The following CAMK4 variants were observed in gnomAD, a reference collection of about 807,000 sequenced individuals.
CAMK4 encodes the protein calcium/calmodulin dependent protein kinase IV, also known as calcium/calmodulin-dependent protein kinase type IV.
In CAMK4, 22 loss-of-function variants were observed where a neutral mutation model predicts 44.9. The observed-to-expected ratio is 0.49, with a 90% CI of 0.35 to 0.70. CAMK4 has a LOEUF of 0.70. Among genes scored for constraint, CAMK4 ranks in the 30% least tolerant of loss-of-function variants. The pLI, the probability that CAMK4 is intolerant of heterozygous loss-of-function variation, is 0.01. For synonymous variants in CAMK4, 218 were observed against 215.4 expected, an observed-to-expected ratio of 1.01 and a Z score of -0.11; for missense variants, 498 against 586.8, an observed-to-expected ratio of 0.85 and a Z score of 1.56.
At chr5:111,259,310 G>A (rs1177972086) in intron 1 of CAMK4, among the ~76,000 whole-genome samples, 2 of 152,140 alleles carry the variant, frequency 1.3e-5, no homozygotes, top group Non-Finnish European at 2.9e-5. Flanking sequence ...AATGGAAAAT[G>A]AATTTTCAAT....
chr5:111,472,276 A>C (rs140822648), intron 7 of CAMK4, among the ~76,000 whole-genome samples: 225 of 152,116 alleles, frequency 1.5e-3, no homozygotes, highest in African/African-American at 5.3e-3. Flanking sequence ...TTGCATTCCA[A>C]CCCCTATCCC....
chr5:111,396,510 T>G (rs982068056), intron 5 of CAMK4, among the ~76,000 whole-genome samples: 3 of 152,042 alleles, frequency 2.0e-5, no homozygotes, highest in African/African-American at 7.2e-5. Flanking sequence ...CCTTTCCAAC[T>G]TCAGTTGAAT....
At chr5:111,421,433 C>A (rs999178289) in intron 5 of CAMK4, among the ~76,000 whole-genome samples, 4 of 152,180 alleles carry the variant, frequency 2.6e-5, no homozygotes, top group African/African-American at 9.7e-5. Flanking sequence ...TTGGGCAGGG[C>A]AATTTCTTTA....
chr5:111,330,256 GAAAT>G (rs895709495), intron 1 of CAMK4, among the ~76,000 whole-genome samples: 1 of 151,276 alleles, frequency 6.6e-6, no homozygotes, highest in African/African-American at 2.4e-5. Flanking sequence ...ATTACATCAA[GAAAT>G]AAAAAACAAT....
intron 5 of CAMK4, among the ~76,000 whole-genome samples, chr5:111,417,373 G>A (rs1026451763): frequency 2.6e-5 from 4 of 151,782 alleles, no homozygotes; most frequent in Non-Finnish European, 5.9e-5. Flanking sequence ...CCACCACCAC[G>A]CCCAGCTAAT....
intron 5 of CAMK4, among the ~76,000 whole-genome samples, chr5:111,409,209 C>T (rs1345063172): frequency 6.6e-6 from 1 of 152,226 alleles, no homozygotes; most frequent in Non-Finnish European, 1.5e-5. Flanking sequence ...ATACTTCTGC[C>T]TGGGCATCCA....
At position 111,490,724 on chromosome 5, in the gene CAMK4, T is replaced by C. The variant is rs1755790004; in HGVS notation, c.*6258T>C. ...AGCAGCGTAGAGAACAAATAGCATA[T>C]TCATAATTTGTAATTTTGTTTTTCT... On this transcript the variant is annotated 3_prime_UTR_variant, in exon 11 of 11. Transcript: ENST00000282356. The C allele has an allele frequency of 6.6e-6, 1 of 152,212 alleles. No homozygotes were observed. The allele number at this position is 152,212 out of a possible 1,614,324, so 9.4% of individuals were successfully genotyped here.
chr5:111,310,322 C>G (rs1432884165), intron 1 of CAMK4, among the ~76,000 whole-genome samples: 1 of 152,148 alleles, frequency 6.6e-6, no homozygotes, highest in Non-Finnish European at 1.5e-5. Flanking sequence ...AAAGTGTTAT[C>G]TGTGTACTTA....
At chr5:111,392,570 C>T (rs2112857161) in intron 4 of CAMK4, among the ~76,000 whole-genome samples, 1 of 151,848 alleles carries the variant, frequency 6.6e-6, no homozygotes, top group Middle Eastern at 3.4e-3. Flanking sequence ...AACATAAATA[C>T]AAACACTCCT....
In CAMK4 at chr5:111,299,703, A is replaced by G. The variant is rs375093532; in HGVS notation, c.162-44321A>G. The stretch of plus-strand genomic sequence containing the variant: ...GACTGCTAGGAGTTTGTAATTCCCT[A>G]TGTGACCAGCATTCGTAGCTAGTGC... On this transcript the variant is annotated intron_variant, in intron 1 of 10. Transcript: ENST00000282356. Among the ~76,000 whole-genome samples, 160 of 152,308 alleles carry G rather than the reference A, an allele frequency of 1.1e-3. 6 individuals carry two copies. In the South Asian group the frequency reaches 0.032, roughly 30 times the overall value.
chr5:111,405,569 G>T (rs890639784), intron 5 of CAMK4, among the ~76,000 whole-genome samples: 1 of 152,082 alleles, frequency 6.6e-6, no homozygotes, highest in Non-Finnish European at 1.5e-5. Flanking sequence ...CCTTTTTAGG[G>T]AACATAATAA....
chr5:111,328,793 C>G (rs1388417199), intron 1 of CAMK4, among the ~76,000 whole-genome samples: 3 of 151,950 alleles, frequency 2.0e-5, no homozygotes, highest in African/African-American at 4.8e-5. Context: ...GGAGTTCACT[C>G]ATGATTTGGC....
intron 7 of CAMK4, among the ~76,000 whole-genome samples, chr5:111,468,600 C>T (rs1329810034): frequency 6.6e-6 from 1 of 152,144 alleles, no homozygotes; most frequent in African/African-American, 2.4e-5. Context: ...TGTAAAAATT[C>T]TTCTGGCTCT....
intron 2 of CAMK4, among the ~76,000 whole-genome samples, chr5:111,369,955 G>A (rs757558949): frequency 6.6e-6 from 1 of 151,866 alleles, no homozygotes; most frequent in Non-Finnish European, 1.5e-5. Flanking sequence ...AGAAGATGCC[G>A]AACCCACAGA....
At chr5:111,332,835 T>G (rs772408586) in intron 1 of CAMK4, among the ~76,000 whole-genome samples, 4 of 151,528 alleles carry the variant, frequency 2.6e-5, no homozygotes, top group Non-Finnish European at 3.0e-5. Context: ...TACAACCAAA[T>G]TGTGGAAAAA....
intron 9 of CAMK4, among the ~76,000 whole-genome samples, chr5:111,480,695 C>T (rs926742201): frequency 1.3e-5 from 2 of 152,004 alleles, no homozygotes; most frequent in Admixed American, 6.6e-5. Context: ...CTTTAGTTTT[C>T]TCATCTAGGA....
At position 111,273,720 on chromosome 5, in the gene CAMK4, C is replaced by CAT. The variant is rs1244780865; in HGVS notation, c.161+49077_161+49078insTA. On this transcript the variant is annotated intron_variant, in intron 1 of 10. Transcript: ENST00000282356. ...ATATATATATATATATATATATATA[C>CAT]ACACACATACATACACACACACACG... 7.3e-4 allele frequency among the ~76,000 whole-genome samples: 23 copies of CAT among 31,568 alleles called. 1 individual carries two copies. The South Asian group carries it at 0.023, about 32-fold the overall frequency. 20.7% of individuals were successfully genotyped at this position (31,568 alleles called of 152,430 possible).
At chr5:111,354,105 G>T (rs1429003622) in intron 2 of CAMK4, among the ~76,000 whole-genome samples, 1 of 152,058 alleles carries the variant, frequency 6.6e-6, no homozygotes, top group African/African-American at 2.4e-5. Flanking sequence ...ATAACCTTAA[G>T]AAGGAAAAAA....
At chr5:111,266,392 T>G (rs1178470489) in intron 1 of CAMK4, among the ~76,000 whole-genome samples, 1 of 152,178 alleles carries the variant, frequency 6.6e-6, no homozygotes, top group South Asian at 2.1e-4. Flanking sequence ...GGGGAATAGA[T>G]TTTTTGCTTT....
Sources: allele counts gnomAD v4.1 joint callset (sites outside exome capture counted in the v4.1 genomes callset), GRCh38; gene constraint gnomAD v4.1.1; transcripts MANE v1.5; gene names NCBI Gene and HGNC (gene_info 2026-07-23, HGNC 2026-07-21).